Variants in MALRD1 observed in about 807,000 individuals in gnomAD.
The protein encoded by MALRD1 is MAM and LDL-receptor class A domain-containing protein 1.
A neutral mutation model predicts 242.1 loss-of-function variants in MALRD1; 247 were observed. That is an observed-to-expected ratio of 1.02 (90% CI 0.92 to 1.13). The LOEUF (loss-of-function observed/expected upper bound fraction) is 1.13. Ranked by LOEUF, MALRD1 falls within the 50% of genes most tolerant of loss-of-function variation. MALRD1 has a pLI of 0.00. For synonymous variants in MALRD1, 995 were observed against 866.6 expected, an observed-to-expected ratio of 1.15 and a Z score of -2.60; for missense variants, 2,989 against 2,533.1, an observed-to-expected ratio of 1.18 and a Z score of -3.86.
chr10:19,450,164 C>T, intron 28 of MALRD1, 143 bp from the exon 29 acceptor site: 1 of 717,866 alleles, frequency 1.4e-6, no homozygotes, highest in Non-Finnish European at 2.2e-6. Context: ...TGTAAGATCA[C>T]CTTTCACAGA....
At chr10:19,310,692 C>T (rs919351943) in intron 21 of MALRD1, among the ~76,000 whole-genome samples, 2 of 151,492 alleles carry the variant, frequency 1.3e-5, no homozygotes, top group African/African-American at 4.8e-5. Context: ...CTTCTCTTAT[C>T]CATGCAATTA....
chr10:19,320,282 C>T (rs771216518), intron 21 of MALRD1, among the ~76,000 whole-genome samples: 14 of 151,956 alleles, frequency 9.2e-5, no homozygotes, highest in Non-Finnish European at 2.1e-4. Flanking sequence ...CATGTGTTCT[C>T]ATTGTTCAGC....
chr10:19,539,996 G>T (rs1363635129), intron 32 of MALRD1, among the ~76,000 whole-genome samples: 1 of 151,222 alleles, frequency 6.6e-6, no homozygotes, highest in Non-Finnish European at 1.5e-5. Flanking sequence ...GCCCACCTCG[G>T]CCTCCCATGC....
chr10:19,158,245 C>T (rs1834250766), intron 12 of MALRD1, among the ~76,000 whole-genome samples: 1 of 152,168 alleles, frequency 6.6e-6, no homozygotes, highest in South Asian at 2.1e-4. Flanking sequence ...TAGGACTTCA[C>T]AATTAAATAC....
At chr10:19,556,721 A>G (rs888534851) in intron 32 of MALRD1, among the ~76,000 whole-genome samples, 1 of 152,170 alleles carries the variant, frequency 6.6e-6, no homozygotes, top group African/African-American at 2.4e-5. Flanking sequence ...GCTATAAACA[A>G]TCACGTGCAC....
At chr10:19,276,793 G>A (rs1456688339) in intron 19 of MALRD1, among the ~76,000 whole-genome samples, 1 of 152,098 alleles carries the variant, frequency 6.6e-6, no homozygotes, top group Admixed American at 6.6e-5. Flanking sequence ...CTGGATGTGA[G>A]ATAAAGTTTC....
intron 1 of MALRD1, among the ~76,000 whole-genome samples, chr10:19,059,173 A>G (rs1297279175): frequency 6.6e-6 from 1 of 152,166 alleles, no homozygotes; most frequent in Non-Finnish European, 1.5e-5. Context: ...ATAATTTTTG[A>G]TGCTATTTAG....
chr10:19,713,692 A>T (rs1427356183), intron 38 of MALRD1, among the ~76,000 whole-genome samples: 1 of 152,242 alleles, frequency 6.6e-6, no homozygotes, highest in Non-Finnish European at 1.5e-5. Flanking sequence ...GTGAGTTTGC[A>T]TATAGAGCAA....
Position 19,400,544 on chromosome 10 carries a change from C to G in MALRD1, c.4845+10935C>G, listed in dbSNP as rs1846791645. Among the ~76,000 whole-genome samples, 3 of 152,250 alleles carry G rather than the reference C, an allele frequency of 2.0e-5. No homozygotes were observed. In the South Asian group the frequency reaches 6.2e-4, roughly 32 times the overall value. ...TGCCTAGCACATAGTAGGTATTAAA[C>G]ACATATTTTTTAATTGAATGAAAGA... On this transcript the variant is annotated intron_variant, in intron 28 of 39. Coordinates refer to ENST00000454679, the MANE Select transcript of MALRD1 (RefSeq NM_001142308.3).
intron 26 of MALRD1, among the ~76,000 whole-genome samples, chr10:19,357,948 T>C (rs1032276658): frequency 3.3e-5 from 5 of 151,942 alleles, no homozygotes; most frequent in Admixed American, 3.3e-4. Context: ...AGGGCTTTAT[T>C]AGCAAAAGTA....
At chr10:19,120,554 C>A (rs1354405921) in intron 5 of MALRD1, among the ~76,000 whole-genome samples, 7 of 152,030 alleles carry the variant, frequency 4.6e-5, no homozygotes, top group Non-Finnish European at 8.8e-5. Flanking sequence ...CTGCATGATT[C>A]CATTTATGTG....
intron 28 of MALRD1, among the ~76,000 whole-genome samples, chr10:19,404,611 C>G (rs896774452): frequency 6.6e-5 from 10 of 151,982 alleles, no homozygotes; most frequent in African/African-American, 2.4e-4. Flanking sequence ...GGAAAACAAT[C>G]AATGGTGGCA....
At chr10:19,174,490 C>A (rs1835137681) in intron 13 of MALRD1, among the ~76,000 whole-genome samples, 1 of 152,112 alleles carries the variant, frequency 6.6e-6, no homozygotes, top group Admixed American at 6.6e-5. Flanking sequence ...TGGTGGTCCA[C>A]TATGCAGGTT....
chr10:19,515,766 C>T (rs1450226311), intron 31 of MALRD1, among the ~76,000 whole-genome samples: 1 of 152,028 alleles, frequency 6.6e-6, no homozygotes, highest in Non-Finnish European at 1.5e-5. Context: ...GATGGGGTTT[C>T]ACCATGTTAG....
intron 32 of MALRD1, among the ~76,000 whole-genome samples, chr10:19,560,568 C>T (rs544774524): frequency 5.8e-4 from 88 of 152,224 alleles, no homozygotes; most frequent in African/African-American, 2.1e-3. Flanking sequence ...AACCCAAATG[C>T]CCATCAATGA....
At position 19,179,849 on chromosome 10, in the gene MALRD1, G is replaced by A. The variant is rs114523804; in HGVS notation, c.1951+4521G>A. ...GTCATAAAACTATAGATCCTGCCTA[G>A]TTCTATATATTTTTCCACCTTTAAG... On this transcript the variant is annotated intron_variant, in intron 14 of 39. Coordinates refer to ENST00000454679, the MANE Select transcript of MALRD1 (RefSeq NM_001142308.3). Among the ~76,000 whole-genome samples, 478 of 152,190 alleles carry A rather than the reference G, an allele frequency of 3.1e-3. 1 individual carries two copies. Among genetic ancestry groups the A allele is most frequent in the African/African-American group, 0.011 (452 of 41,524 alleles).
chr10:19,306,775 C>T (rs747245394), intron 21 of MALRD1, among the ~76,000 whole-genome samples: 5 of 150,366 alleles, frequency 3.3e-5, no homozygotes, highest in Admixed American at 6.7e-5. Flanking sequence ...GGGAAGCAAA[C>T]GTTTCCTTTT....
chr10:19,473,493 G>T (rs1173053525), intron 29 of MALRD1, among the ~76,000 whole-genome samples: 1 of 149,776 alleles, frequency 6.7e-6, no homozygotes, highest in Non-Finnish European at 1.5e-5. Flanking sequence ...TCCTTCCCCA[G>T]CCCCTGATGT....
At chr10:19,565,450 A>T (rs569198678) in intron 32 of MALRD1, among the ~76,000 whole-genome samples, 1 of 152,346 alleles carries the variant, frequency 6.6e-6, no homozygotes, top group Non-Finnish European at 1.5e-5. Context: ...AAGAAATTAC[A>T]AAATAAATAT....
Sources: gnomAD v4.1 joint callset for allele counts (sites outside exome capture counted in the v4.1 genomes callset) on GRCh38, gnomAD v4.1.1 for gene constraint, MANE v1.5 for transcripts, NCBI Gene and HGNC (gene_info 2026-07-23, HGNC 2026-07-21) for gene names.